The following NEMP2 variants were observed in gnomAD, a reference collection of about 807,000 sequenced individuals.
NEMP2 encodes UPF0571 transmembrane protein.
Under a neutral mutation model 54.2 loss-of-function variants are expected in NEMP2, and 53 were observed. The ratio of observed to expected loss-of-function variants is 0.98; its 90% CI spans 0.78 to 1.23. NEMP2 has a LOEUF of 1.23. Ranked by LOEUF, NEMP2 falls within the 50% of genes most tolerant of loss-of-function variation. The probability of loss-of-function intolerance (pLI) is 0.00; values close to 1 mark genes in which losing one functional copy is unlikely to be tolerated. For missense variants in NEMP2, 455 were observed against 511.3 expected (o/e 0.89, Z 1.06); for synonymous variants, 197 against 190.3 (o/e 1.04, Z -0.29).
At chr2:190,444,866 T>C in the NEMP2 span, 1 of 827,026 alleles carries the variant, frequency 1.2e-6, no homozygotes, top group African/African-American at 1.9e-5. Context: ...ATTCCAATTA[T>C]TTTATACAAA....
At chr2:190,440,504 G>C in the NEMP2 span, among the ~76,000 whole-genome samples, 3 of 152,274 alleles carry the variant, frequency 2.0e-5, no homozygotes, top group Non-Finnish European at 2.9e-5. Context: ...TGATTAACAG[G>C]ATATAAATGT....
the NEMP2 span, among the ~76,000 whole-genome samples, chr2:190,636,601 G>T: frequency 2.0e-5 from 3 of 152,200 alleles, no homozygotes; most frequent in Non-Finnish European, 2.9e-5. Flanking sequence ...CACAGGCTGA[G>T]AATGCCCTCA....
chr2:190,504,565 A>G lies in NEMP2; in HGVS notation c.*4624T>C, dbSNP rs1187565977. ...ATGGAAAAAAGTGATGATGGTGACA[A>G]TTCCATAAAGTGCAAAAGTCTGCTG... On this transcript the variant is annotated 3_prime_UTR_variant, in exon 9 of 9. Coordinates refer to ENST00000409150, the MANE Select transcript of NEMP2 (RefSeq NM_001142645.2). The surrounding 1 kb of genome is among the most constrained non-coding windows in gnomAD (Gnocchi z 5.6). 1 of 152,204 alleles carries G rather than the reference A, an allele frequency of 6.6e-6. No homozygotes were observed. Among genetic ancestry groups the G allele is most frequent in the Non-Finnish European group, 1.5e-5 (1 of 68,034 alleles). 9.4% of individuals were successfully genotyped at this position (152,204 alleles called of 1,614,324 possible).
chr2:190,615,085 C>A, the NEMP2 span, among the ~76,000 whole-genome samples: 1 of 152,146 alleles, frequency 6.6e-6, no homozygotes, highest in African/African-American at 2.4e-5. The surrounding 1 kb of genome is among the most constrained non-coding windows in gnomAD (Gnocchi z 4.7). Flanking sequence ...CCACATTGAC[C>A]AATTGTCTGA....
At chr2:190,422,605 A>G in the NEMP2 span, among the ~76,000 whole-genome samples, 3 of 152,184 alleles carry the variant, frequency 2.0e-5, no homozygotes, top group Admixed American at 6.5e-5. Context: ...ATTATGTGAA[A>G]TATTTTATAC....
At chr2:190,460,406 C>T in the NEMP2 span, among the ~76,000 whole-genome samples, 4 of 152,256 alleles carry the variant, frequency 2.6e-5, no homozygotes, top group African/African-American at 9.6e-5. Flanking sequence ...TACATACACT[C>T]GCGTATGCAC....
the NEMP2 span, among the ~76,000 whole-genome samples, chr2:190,634,526 C>T: frequency 9.2e-5 from 14 of 152,148 alleles, no homozygotes; most frequent in African/African-American, 2.4e-4. This position sits in a 1 kb window ranked among gnomAD's most constrained non-coding sequence, Gnocchi z 6.8. Flanking sequence ...AGTGCATTTG[C>T]GTAATGAACA....
At chr2:190,532,525 G>A (rs568179961) in intron 1 of NEMP2, among the ~76,000 whole-genome samples, 1 of 152,298 alleles carries the variant, frequency 6.6e-6, no homozygotes, top group Non-Finnish European at 1.5e-5. Context: ...AACTCTTGAA[G>A]TTTCTCCTCT....
the NEMP2 span, among the ~76,000 whole-genome samples, chr2:190,647,805 C>T: frequency 6.6e-6 from 1 of 150,924 alleles, no homozygotes; most frequent in African/African-American, 2.4e-5. Flanking sequence ...ACCTCCGCCT[C>T]CCGGGTTCAA....
the NEMP2 span, among the ~76,000 whole-genome samples, chr2:190,614,697 G>C: frequency 2.5e-3 from 385 of 152,314 alleles, 3 homozygotes; most frequent in African/African-American, 8.9e-3. This position sits in a 1 kb window ranked among gnomAD's most constrained non-coding sequence, Gnocchi z 5.7. Context: ...ACAACACAAG[G>C]GGGAGTGCAT....
the NEMP2 span, among the ~76,000 whole-genome samples, chr2:190,499,142 C>T: frequency 3.3e-5 from 5 of 152,028 alleles, no homozygotes; most frequent in East Asian, 7.7e-4. The surrounding 1 kb of genome is among the most constrained non-coding windows in gnomAD (Gnocchi z 6.0). Context: ...AGTGAGACTC[C>T]GTCTCAAAAT....
At chr2:190,422,966 G>T in the NEMP2 span, among the ~76,000 whole-genome samples, 5 of 151,910 alleles carry the variant, frequency 3.3e-5, no homozygotes, top group Admixed American at 2.6e-4. Flanking sequence ...AACACTTCAT[G>T]AAATAAAGCC....
the NEMP2 span, among the ~76,000 whole-genome samples, chr2:190,643,193 GCTTACTGTATA>G: frequency 6.6e-6 from 1 of 151,930 alleles, no homozygotes; most frequent in Admixed American, 6.6e-5. Flanking sequence ...TTCCAAGGGG[GCTTACTGTATA>G]CTTAGGATGA....
chr2:190,538,635 C>T (rs1359952918), upstream of NEMP2, among the ~76,000 whole-genome samples: 1 of 151,618 alleles, frequency 6.6e-6, no homozygotes, highest in Non-Finnish European at 1.5e-5. The surrounding 1 kb of genome is among the most constrained non-coding windows in gnomAD (Gnocchi z 4.1). Flanking sequence ...ATGTTATTCC[C>T]TGTCTTTTTG....
At chr2:190,526,630 G>A (rs1447704968) in intron 1 of NEMP2, among the ~76,000 whole-genome samples, 1 of 152,122 alleles carries the variant, frequency 6.6e-6, no homozygotes, top group Non-Finnish European at 1.5e-5. Context: ...TTTTATCAAG[G>A]AAAACAAGAA....
chr2:190,539,621 T>C (rs890453832), upstream of NEMP2, among the ~76,000 whole-genome samples: 1 of 152,188 alleles, frequency 6.6e-6, no homozygotes, highest in Non-Finnish European at 1.5e-5. This position sits in a 1 kb window ranked among gnomAD's most constrained non-coding sequence, Gnocchi z 4.1. Flanking sequence ...TTTACTTACA[T>C]AGATTTTTCA....
At chr2:190,536,130 C>T (rs1300140715), upstream of NEMP2, 1 of 152,182 alleles carries the variant, frequency 6.6e-6, no homozygotes, top group Non-Finnish European at 1.5e-5. Context: ...TATATTGAAA[C>T]ACCACATTTT....
At chr2:190,433,626 AT>A in the NEMP2 span, among the ~76,000 whole-genome samples, 1 of 152,030 alleles carries the variant, frequency 6.6e-6, no homozygotes, top group African/African-American at 2.4e-5. The surrounding 1 kb of genome is among the most constrained non-coding windows in gnomAD (Gnocchi z 4.5). Context: ...CTTCAGTTAA[AT>A]TTTTTTTAAC....
chr2:190,450,643 C>T, the NEMP2 span, among the ~76,000 whole-genome samples: 1 of 151,892 alleles, frequency 6.6e-6, no homozygotes. Context: ...CAGGCATGTG[C>T]CACCATGCCC....
Sources: allele counts gnomAD v4.1 joint callset (sites outside exome capture counted in the v4.1 genomes callset), GRCh38; gene constraint gnomAD v4.1.1; non-coding constraint Gnocchi (gnomAD v3.1); transcripts MANE v1.5; gene names NCBI Gene and HGNC (gene_info 2026-07-23, HGNC 2026-07-21).